Variants in MPPED2 observed in about 807,000 individuals in gnomAD.
MPPED2 encodes the protein metallophosphoesterase MPPED2.
Under a neutral mutation model 33.0 loss-of-function variants are expected in MPPED2, and 5 were observed. The ratio of observed to expected loss-of-function variants is 0.15; its 90% CI spans 0.08 to 0.32. The LOEUF (loss-of-function observed/expected upper bound fraction) is 0.32. MPPED2 is among the 10% of genes least tolerant of loss of function. The pLI is 1.00. For synonymous variants in MPPED2, 136 were observed against 141.9 expected (o/e 0.96, Z 0.29); for missense variants, 275 against 372.1 (o/e 0.74, Z 2.15).
chr11:30,520,879 C>T (rs500397), intron 3 of MPPED2, among the ~76,000 whole-genome samples: 21,590 of 152,130 alleles, frequency 0.14, 2,689 homozygotes, highest in African/African-American at 0.34. Flanking sequence ...GAGCTATCTG[C>T]CATTCACCGA....
intron 3 of MPPED2, among the ~76,000 whole-genome samples, chr11:30,533,144 T>A (rs1346765278): frequency 6.6e-6 from 1 of 152,206 alleles, no homozygotes; most frequent in Admixed American, 6.5e-5. Flanking sequence ...GGCTCACACT[T>A]TGGAGTCAGA....
chr11:30,497,363 A>T (rs1952315853), intron 3 of MPPED2, among the ~76,000 whole-genome samples: 1 of 152,174 alleles, frequency 6.6e-6, no homozygotes, highest in Non-Finnish European at 1.5e-5. Flanking sequence ...TATGAGTCTA[A>T]TAGTGCTCCC....
At chr11:30,461,144 T>A (rs991026968) in intron 4 of MPPED2, among the ~76,000 whole-genome samples, 1 of 152,222 alleles carries the variant, frequency 6.6e-6, no homozygotes, top group African/African-American at 2.4e-5. Context: ...TTTCCATTTA[T>A]ATGAGGCACC....
chr11:30,477,948 T>C (rs957202999), intron 4 of MPPED2, among the ~76,000 whole-genome samples: 1 of 152,062 alleles, frequency 6.6e-6, no homozygotes, highest in Non-Finnish European at 1.5e-5. Flanking sequence ...TCTCTTTTTT[T>C]CCCCTAGGAT....
intron 2 of MPPED2, among the ~76,000 whole-genome samples, chr11:30,578,480 A>G (rs1361880289): frequency 6.6e-6 from 1 of 152,204 alleles, no homozygotes; most frequent in Non-Finnish European, 1.5e-5. Context: ...TGTTATGGCT[A>G]GATAAAAGCA....
At chr11:30,425,634 C>T (rs2133814540) in intron 4 of MPPED2, 1 of 152,282 alleles carries the variant, frequency 6.6e-6, no homozygotes, top group South Asian at 2.1e-4. Context: ...AGATTTTGGA[C>T]ATGACTTGGT....
At chr11:30,524,458 A>T (rs1954054909) in intron 3 of MPPED2, among the ~76,000 whole-genome samples, 1 of 152,174 alleles carries the variant, frequency 6.6e-6, no homozygotes. Flanking sequence ...AATGCATTCC[A>T]CAAAAATATC....
At chr11:30,400,762 A>AT (rs34695831) in intron 6 of MPPED2, among the ~76,000 whole-genome samples, 47,610 of 145,578 alleles carry the variant, frequency 0.33, 7,756 homozygotes, top group Non-Finnish European at 0.37. Flanking sequence ...ATCATCAAAC[A>AT]TTTTTTTTTT....
At chr11:30,508,043 TA>T (rs1952938440) in intron 3 of MPPED2, among the ~76,000 whole-genome samples, 1 of 152,178 alleles carries the variant, frequency 6.6e-6, no homozygotes, top group African/African-American at 2.4e-5. Flanking sequence ...TATCAAGAGA[TA>T]AATTTACACT....
chr11:30,566,971 A>C (rs545481414), intron 2 of MPPED2, among the ~76,000 whole-genome samples: 1 of 152,256 alleles, frequency 6.6e-6, no homozygotes, highest in East Asian at 1.9e-4. Flanking sequence ...AGTGAAGAAG[A>C]CTGTCAACAT....
intron 4 of MPPED2, chr11:30,451,976 G>A: frequency 1.0e-6 from 1 of 985,394 alleles, no homozygotes; most frequent in South Asian, 4.7e-5. Flanking sequence ...AAGAAATGTG[G>A]GAAGTAGGAG....
At chr11:30,585,501 C>A (rs905173563) in intron 1 of MPPED2, among the ~76,000 whole-genome samples, 1 of 152,104 alleles carries the variant, frequency 6.6e-6, no homozygotes, top group African/African-American at 2.4e-5. Flanking sequence ...CGGGCCAACA[C>A]AATGCACCCA....
chr11:30,406,147 A>C (rs1947986294), downstream of MPPED2, among the ~76,000 whole-genome samples: 1 of 152,188 alleles, frequency 6.6e-6, no homozygotes, highest in Admixed American at 6.5e-5. Flanking sequence ...GAAGAAAAGG[A>C]AAATGAATCC....
intron 2 of MPPED2, among the ~76,000 whole-genome samples, chr11:30,575,164 T>C (rs1167169930): frequency 1.3e-5 from 2 of 150,110 alleles, no homozygotes; most frequent in East Asian, 3.9e-4. Context: ...AAGCTACAGA[T>C]TTTTTTTTTA....
At chr11:30,447,149 C>A (rs1473275448) in intron 4 of MPPED2, among the ~76,000 whole-genome samples, 1 of 152,174 alleles carries the variant, frequency 6.6e-6, no homozygotes, top group African/African-American at 2.4e-5. Flanking sequence ...TTCTCCCCTG[C>A]CCCGCAGTGC....
At chr11:30,452,810 G>C (rs919361678) in intron 4 of MPPED2, among the ~76,000 whole-genome samples, 1 of 152,084 alleles carries the variant, frequency 6.6e-6, no homozygotes, top group African/African-American at 2.4e-5. Context: ...GCATCGCTAA[G>C]TTTCTCTGCC....
chr11:30,547,868 G>T (rs1955509829), intron 2 of MPPED2, among the ~76,000 whole-genome samples: 1 of 152,182 alleles, frequency 6.6e-6, no homozygotes. Flanking sequence ...TTTTGCAGAG[G>T]TTACGAAGAT....
chr11:30,422,811 T>A (rs1186948502), intron 4 of MPPED2, among the ~76,000 whole-genome samples: 1 of 151,980 alleles, frequency 6.6e-6, no homozygotes, highest in Non-Finnish European at 1.5e-5. Flanking sequence ...CTGCAACCTC[T>A]CCCCTTCTAG....
intron 1 of MPPED2, among the ~76,000 whole-genome samples, chr11:30,585,297 C>T (rs903658142): frequency 1.1e-4 from 16 of 152,066 alleles, no homozygotes; most frequent in Admixed American, 7.2e-4. Flanking sequence ...CCGCAGGCTG[C>T]GAGCGCGGAG....
Sources: gnomAD v4.1 joint callset for allele counts (sites outside exome capture counted in the v4.1 genomes callset) on GRCh38, gnomAD v4.1.1 for gene constraint, MANE v1.5 for transcripts, NCBI Gene and HGNC (gene_info 2026-07-23, HGNC 2026-07-21) for gene names.